DOCK1: variants seen among roughly 807,000 people sequenced by gnomAD.
DOCK1 encodes dedicator of cytokinesis 1.
Under a neutral mutation model 262.7 loss-of-function variants are expected in DOCK1, and 138 were observed. That is an observed-to-expected ratio of 0.53 (90% confidence interval 0.46 to 0.61). The LOEUF (loss-of-function observed/expected upper bound fraction) is 0.61, where lower values mean the gene tolerates loss of function less well. Among genes scored for constraint, DOCK1 ranks in the 20% least tolerant of loss-of-function variants. The pLI, the probability that DOCK1 is intolerant of heterozygous loss-of-function variation, is 0.00. For synonymous variants in DOCK1, 866 were observed against 867.4 expected (o/e 1.00, Z 0.03); for missense variants, 1,908 against 2,370.7 (o/e 0.80, Z 4.05).
At chr10:127,370,335 T>C (rs2065139323) in intron 33 of DOCK1, among the ~76,000 whole-genome samples, 1 of 152,166 alleles carries the variant, frequency 6.6e-6, no homozygotes, top group Non-Finnish European at 1.5e-5. Context: ...ACCCGGCTCT[T>C]GATAACCTCG....
chr10:127,224,177 A>G (rs1282990832), intron 27 of DOCK1, among the ~76,000 whole-genome samples: 2 of 152,214 alleles, frequency 1.3e-5, no homozygotes, highest in Non-Finnish European at 2.9e-5. Context: ...AATGAGTTAT[A>G]AAGTATTTAA....
intron 27 of DOCK1, among the ~76,000 whole-genome samples, chr10:127,167,386 A>T (rs1405656713): frequency 6.6e-6 from 1 of 152,182 alleles, no homozygotes; most frequent in African/African-American, 2.4e-5. Context: ...ACAGAGACCA[A>T]CTCTAGCATT....
chr10:126,983,272 A>G (rs2039111991), intron 4 of DOCK1, among the ~76,000 whole-genome samples: 1 of 152,134 alleles, frequency 6.6e-6, no homozygotes, highest in Non-Finnish European at 1.5e-5. Flanking sequence ...TAGCTGCCCA[A>G]CAGCTCCTTC....
chr10:127,071,300 C>A (rs2046219319), intron 23 of DOCK1, among the ~76,000 whole-genome samples: 1 of 152,126 alleles, frequency 6.6e-6, no homozygotes, highest in South Asian at 2.1e-4. Context: ...CTGGAGGGAA[C>A]AATACCACTC....
intron 21 of DOCK1, among the ~76,000 whole-genome samples, chr10:127,045,655 G>A (rs1404787209): frequency 1.3e-5 from 2 of 152,150 alleles, no homozygotes; most frequent in Non-Finnish European, 2.9e-5. Context: ...GTCCTCTTCC[G>A]CACCTCGAGC....
intron 22 of DOCK1, among the ~76,000 whole-genome samples, chr10:127,059,736 A>T (rs1480228659): frequency 6.6e-6 from 1 of 151,830 alleles, no homozygotes; most frequent in Admixed American, 6.6e-5. Flanking sequence ...ATATGATTAT[A>T]GTTGTTTTGA....
At chr10:127,041,846 A>T (rs1414195238) in intron 19 of DOCK1, among the ~76,000 whole-genome samples, 5 of 152,118 alleles carry the variant, frequency 3.3e-5, no homozygotes, top group Non-Finnish European at 7.3e-5. Flanking sequence ...TATGGCCAGT[A>T]TTTCGTTGTG....
At chr10:127,240,032 A>G (rs1383101924) in intron 27 of DOCK1, among the ~76,000 whole-genome samples, 3 of 152,152 alleles carry the variant, frequency 2.0e-5, no homozygotes, top group African/African-American at 7.2e-5. Context: ...CCCTTTTGGT[A>G]TATTTGTCCA....
intron 23 of DOCK1, among the ~76,000 whole-genome samples, chr10:127,084,087 C>A (rs1177396485): frequency 6.6e-6 from 1 of 152,062 alleles, no homozygotes; most frequent in Admixed American, 6.5e-5. Context: ...TATTTTTTTA[C>A]CTCCTTTATC....
intron 35 of DOCK1, among the ~76,000 whole-genome samples, chr10:127,377,267 A>T (rs954212002): frequency 6.6e-6 from 1 of 152,222 alleles, no homozygotes; most frequent in Non-Finnish European, 1.5e-5. Flanking sequence ...CTCACTGCCC[A>T]GCTCAATTTC....
intron 1 of DOCK1, among the ~76,000 whole-genome samples, chr10:126,911,518 T>A (rs1362781205): frequency 6.6e-6 from 1 of 152,162 alleles, no homozygotes; most frequent in African/African-American, 2.4e-5. Flanking sequence ...CTTGTCAAGA[T>A]GCGGTTGTCA....
intron 23 of DOCK1, 137 bp from the exon 24 acceptor site, chr10:127,106,094 G>A (rs1226058541): frequency 1.2e-6 from 1 of 852,442 alleles, no homozygotes; most frequent in East Asian, 2.8e-5. Context: ...TTTTCATCGT[G>A]TTAGCCGTCA....
intron 1 of DOCK1, among the ~76,000 whole-genome samples, chr10:126,906,227 G>A (rs954580712): frequency 2.6e-5 from 4 of 152,208 alleles, no homozygotes; most frequent in Non-Finnish European, 1.5e-5. Flanking sequence ...TTTGCTCCGC[G>A]GCTCTTTGTC....
chr10:127,090,722 C>T (rs745541742), intron 23 of DOCK1, among the ~76,000 whole-genome samples: 3 of 152,116 alleles, frequency 2.0e-5, no homozygotes, highest in Admixed American at 1.3e-4. Context: ...GCTTCTTCTG[C>T]GTATTTCATA....
intron 29 of DOCK1, among the ~76,000 whole-genome samples, chr10:127,261,870 G>A (rs560095974): frequency 5.8e-5 from 8 of 138,282 alleles, no homozygotes; most frequent in East Asian, 2.3e-4. Flanking sequence ...GTGGGTGTGC[G>A]TGTGTGTACC....
chr10:127,304,324 T>C (rs538037296), intron 29 of DOCK1, among the ~76,000 whole-genome samples: 12 of 152,264 alleles, frequency 7.9e-5, no homozygotes, highest in African/African-American at 2.9e-4. Flanking sequence ...ATGATCTGAG[T>C]GGCCTTCCAC....
At chr10:126,948,903 G>T (rs1405760407) in intron 1 of DOCK1, among the ~76,000 whole-genome samples, 1 of 152,132 alleles carries the variant, frequency 6.6e-6, no homozygotes, top group Non-Finnish European at 1.5e-5. Context: ...GGGGTTGCGT[G>T]AGAAGGCAGG....
intron 1 of DOCK1, among the ~76,000 whole-genome samples, chr10:126,919,638 G>C (rs1289930914): frequency 6.6e-6 from 1 of 152,198 alleles, no homozygotes; most frequent in African/African-American, 2.4e-5. Flanking sequence ...GTGGCCGTCA[G>C]CCCGTTGCTC....
intron 21 of DOCK1, among the ~76,000 whole-genome samples, chr10:127,047,589 G>A (rs2044433183): frequency 1.3e-5 from 2 of 149,794 alleles, no homozygotes; most frequent in East Asian, 2.0e-4. Context: ...GACGGTTTTT[G>A]TATACCCTTG....
Sources: allele counts gnomAD v4.1 joint callset (sites outside exome capture counted in the v4.1 genomes callset), GRCh38; gene constraint gnomAD v4.1.1; transcripts MANE v1.5; gene names NCBI Gene and HGNC (gene_info 2026-07-23, HGNC 2026-07-21).